The following LRRC7 variants were observed in gnomAD, a reference collection of about 807,000 sequenced individuals.
LRRC7 encodes the protein leucine-rich repeat-containing protein 7.
LRRC7 carries 23 observed loss-of-function variants against 175.7 expected under a neutral mutation model. The ratio of observed to expected loss-of-function variants is 0.13; its 90% CI spans 0.09 to 0.19. The LOEUF (loss-of-function observed/expected upper bound fraction) is 0.19, where lower values mean the gene tolerates loss of function less well. Among genes scored for constraint, LRRC7 ranks in the 10% least tolerant of loss-of-function variants. LRRC7 has a pLI of 1.00. For missense variants in LRRC7, 1,354 were observed against 1,904.7 expected (o/e 0.71, Z 5.38); for synonymous variants, 685 against 680.9 (o/e 1.01, Z -0.09).
chr1:69,987,050 T>C (rs913559074), intron 10 of LRRC7, among the ~76,000 whole-genome samples: 13 of 152,276 alleles, frequency 8.5e-5, no homozygotes, highest in African/African-American at 3.1e-4. Flanking sequence ...AAAACCAGCC[T>C]AGCCAATATG....
chr1:69,762,225 A>G (rs1434860349), intron 3 of LRRC7, among the ~76,000 whole-genome samples: 1 of 152,052 alleles, frequency 6.6e-6, no homozygotes, highest in Non-Finnish European at 1.5e-5. Flanking sequence ...TAAGATAGGT[A>G]GTAAAAACAT....
chr1:69,864,223 C>T (rs919877471), intron 7 of LRRC7, among the ~76,000 whole-genome samples: 1 of 152,102 alleles, frequency 6.6e-6, no homozygotes, highest in African/African-American at 2.4e-5. Flanking sequence ...GCTTGTTTCC[C>T]TTGCAGGTCT....
intron 4 of LRRC7, among the ~76,000 whole-genome samples, chr1:69,824,211 G>A (rs1229688364): frequency 6.6e-6 from 1 of 152,130 alleles, no homozygotes; most frequent in Admixed American, 6.6e-5. Context: ...AGCATGCAAT[G>A]AGCCCAGATT....
chr1:69,906,240 C>A (rs1395289503), intron 7 of LRRC7, among the ~76,000 whole-genome samples: 2 of 152,118 alleles, frequency 1.3e-5, no homozygotes, highest in African/African-American at 4.8e-5. Context: ...GTTTCTTTTG[C>A]TGTGCAGAAG....
At chr1:69,960,369 CTCTTT>C (rs1650931641) in intron 8 of LRRC7, among the ~76,000 whole-genome samples, 2 of 151,916 alleles carry the variant, frequency 1.3e-5, no homozygotes. Flanking sequence ...TGATTCTTTG[CTCTTT>C]TCTTCTTTAT....
chr1:69,815,816 C>T (rs549755994), intron 4 of LRRC7, among the ~76,000 whole-genome samples: 3 of 152,234 alleles, frequency 2.0e-5, no homozygotes, highest in African/African-American at 7.2e-5. Context: ...TCATGAGGGC[C>T]TGTTCCTCAT....
intron 15 of LRRC7, chr1:70,020,703 G>T (rs1353771806): frequency 1.2e-5 from 2 of 172,424 alleles, no homozygotes; most frequent in Non-Finnish European, 1.2e-5. Context: ...AAAATGCTTG[G>T]TCTAACTCTC....
intron 3 of LRRC7, among the ~76,000 whole-genome samples, chr1:69,769,878 T>C (rs987031529): frequency 2.6e-5 from 4 of 152,182 alleles, no homozygotes; most frequent in Non-Finnish European, 5.9e-5. Flanking sequence ...TTGTGTCAGT[T>C]AGTTTTTTTT....
chr1:70,063,867 TG>T (rs745616249), intron 23 of LRRC7, among the ~76,000 whole-genome samples: 4 of 152,050 alleles, frequency 2.6e-5, no homozygotes, highest in Non-Finnish European at 5.9e-5. Context: ...AGCTATGTTT[TG>T]TTGGTTGACA....
rs371716676 is a variant in LRRC7 at position 69,578,660 on chromosome 1, GA to G, written c.2+10022del. Among the ~76,000 whole-genome samples, 63 of 151,698 alleles carry G rather than the reference GA, an allele frequency of 4.2e-4. 2 individuals are homozygous for G. The East Asian group carries it at 0.011, about 27-fold the overall frequency. ...CTTTGTAGGGACATGGATGAAATTG[GA>G]AATCATCATTCTCAGTAAACTATCA... On this transcript the variant is annotated intron_variant, in intron 1 of 26. Transcript: ENST00000651989.
At chr1:69,730,767 T>C (rs114581541) in intron 2 of LRRC7, among the ~76,000 whole-genome samples, 1,921 of 152,260 alleles carry the variant, frequency 0.013, 36 homozygotes, top group Middle Eastern at 0.058. Context: ...TCAGCTATCT[T>C]TAGAGCAGCT....
At chr1:70,069,239 A>G (rs1177749283) in intron 23 of LRRC7, among the ~76,000 whole-genome samples, 1 of 152,200 alleles carries the variant, frequency 6.6e-6, no homozygotes, top group East Asian at 1.9e-4. Context: ...CAGGAAACTT[A>G]CAATCATGGC....
chr1:69,794,530 TA>T (rs922971752), intron 4 of LRRC7, among the ~76,000 whole-genome samples: 1 of 152,228 alleles, frequency 6.6e-6, no homozygotes, highest in Non-Finnish European at 1.5e-5. Flanking sequence ...TTCTGTACAA[TA>T]AAACAATTAC....
At chr1:70,037,950 G>T (rs1571125005) in intron 20 of LRRC7, among the ~76,000 whole-genome samples, 163 bp from the exon 21 acceptor site, 2 of 152,294 alleles carry the variant, frequency 1.3e-5, no homozygotes, top group African/African-American at 4.8e-5. Context: ...TAAAGGGATG[G>T]ATTTTTAAAA....
chr1:69,605,720 A>G (rs539365605), intron 1 of LRRC7, among the ~76,000 whole-genome samples: 9 of 152,314 alleles, frequency 5.9e-5, no homozygotes, highest in African/African-American at 7.2e-5. Flanking sequence ...GTCTTAAAAT[A>G]TAGAAAGTAT....
At chr1:69,626,247 C>G (rs1364786856) in intron 1 of LRRC7, among the ~76,000 whole-genome samples, 1 of 152,064 alleles carries the variant, frequency 6.6e-6, no homozygotes, top group Admixed American at 6.6e-5. Flanking sequence ...TTGTCAGAAT[C>G]TATGGTATGT....
chr1:69,583,548 A>G (rs1239158717), intron 1 of LRRC7, among the ~76,000 whole-genome samples: 1 of 152,168 alleles, frequency 6.6e-6, no homozygotes, highest in Admixed American at 6.6e-5. Context: ...CATAAAACAG[A>G]GACAAGTAAG....
chr1:69,699,412 C>T (rs1377576254), intron 2 of LRRC7, among the ~76,000 whole-genome samples: 1 of 152,006 alleles, frequency 6.6e-6, no homozygotes, highest in Non-Finnish European at 1.5e-5. Flanking sequence ...TGGTGGTGCA[C>T]ACCTGTAATC....
chr1:69,909,250 G>T (rs1190873915), intron 7 of LRRC7, among the ~76,000 whole-genome samples: 1 of 152,062 alleles, frequency 6.6e-6, no homozygotes, highest in African/African-American at 2.4e-5. Flanking sequence ...CTTTTAATTG[G>T]AGCATTTAGC....
Sources: allele counts gnomAD v4.1 joint callset (sites outside exome capture counted in the v4.1 genomes callset), GRCh38; gene constraint gnomAD v4.1.1; transcripts MANE v1.5; gene names NCBI Gene and HGNC (gene_info 2026-07-23, HGNC 2026-07-21).